PRAG1: variants seen among roughly 807,000 people sequenced by gnomAD.
PRAG1 encodes PEAK1 related, kinase-activating pseudokinase 1.
In PRAG1, 110 loss-of-function variants were observed where a neutral mutation model predicts 95.6. The observed-to-expected ratio is 1.15, with a 90% confidence interval of 0.99 to 1.35. The LOEUF (loss-of-function observed/expected upper bound fraction) is 1.35. Among genes scored for constraint, PRAG1 ranks in the 40% most tolerant of loss-of-function variants. PRAG1 has a pLI of 0.00. For synonymous variants in PRAG1, 1,052 were observed against 819.4 expected (o/e 1.28, Z -4.85); for missense variants, 2,554 against 1,864.7 (o/e 1.37, Z -6.81).
rs1798328231 is a variant in PRAG1 at position 8,317,957 on chromosome 8, T to G, written c.*197A>C. On this transcript the variant is annotated 3_prime_UTR_variant, in exon 6 of 6. Transcript: ENST00000615670. Reference sequence around the variant, plus strand: ...GGACTTAGTGCAGAGAGGAGACGAGTGTGGACGGGCAACAGCATCCTTAGT... The same window carrying G: ...GGACTTAGTGCAGAGAGGAGACGAGGGTGGACGGGCAACAGCATCCTTAGT... 1.3e-5 allele frequency: 5 copies of G among 378,988 alleles called. No homozygotes were observed. In the East Asian group the frequency reaches 2.2e-4, roughly 17 times the overall value. 23.5% of individuals were successfully genotyped at this position (378,988 alleles called of 1,614,324 possible). A position where few individuals can be genotyped will look rare whatever the true frequency, so the allele number is the denominator to read the frequency against.
At chr8:8,375,176 G>C (rs142285934) in intron 3 of PRAG1, among the ~76,000 whole-genome samples, 1 of 151,396 alleles carries the variant, frequency 6.6e-6, no homozygotes, top group Non-Finnish European at 1.5e-5. Context: ...GTTTCAGCAT[G>C]CTAACACAAA....
chr8:8,378,189 T>C (rs748718968), intron 2 of PRAG1, 111 bp from the exon 3 acceptor site: 77 of 1,303,958 alleles, frequency 5.9e-5, no homozygotes, highest in Non-Finnish European at 7.7e-5. Context: ...TCTTCTGTAG[T>C]GCAGTGCAGG....
intron 5 of PRAG1, 32 bp downstream of exon 5, chr8:8,327,678 A>T: frequency 2.5e-6 from 4 of 1,582,518 alleles, no homozygotes; most frequent in Non-Finnish European, 3.4e-6. Context: ...AGCCAGTGGC[A>T]CAGCAGAATG....
chr8:8,366,968 C>T (rs1430884359), intron 3 of PRAG1, among the ~76,000 whole-genome samples: 1 of 152,108 alleles, frequency 6.6e-6, no homozygotes, highest in Non-Finnish European at 1.5e-5. Flanking sequence ...CCACCGTGCC[C>T]AGCTACATCA....
At chr8:8,381,120 A>G (rs544831675) in intron 2 of PRAG1, among the ~76,000 whole-genome samples, 1 of 152,284 alleles carries the variant, frequency 6.6e-6, no homozygotes, top group East Asian at 1.9e-4. Flanking sequence ...AAAATGATCA[A>G]CTAAGAAAAT....
chr8:8,362,256 C>G (rs981082856), intron 3 of PRAG1, among the ~76,000 whole-genome samples: 3 of 152,232 alleles, frequency 2.0e-5, no homozygotes, highest in Admixed American at 2.0e-4. Context: ...AGGTAGCACC[C>G]ACCCACTCCG....
At chr8:8,385,647 G>C (rs1318010708) in intron 1 of PRAG1, among the ~76,000 whole-genome samples, 1 of 152,212 alleles carries the variant, frequency 6.6e-6, no homozygotes, top group Non-Finnish European at 1.5e-5. Flanking sequence ...TGTGCAGGGA[G>C]AGCTTACCTG....
chr8:8,332,439 C>G (rs563632134), intron 4 of PRAG1, among the ~76,000 whole-genome samples: 108 of 152,232 alleles, frequency 7.1e-4, no homozygotes, highest in Non-Finnish European at 1.4e-3. Flanking sequence ...GCTGGGATTC[C>G]AGGTGTGAGC....
intron 3 of PRAG1, among the ~76,000 whole-genome samples, chr8:8,365,292 T>C (rs1799963073): frequency 1.3e-5 from 2 of 152,320 alleles, no homozygotes; most frequent in South Asian, 4.1e-4. Context: ...ACACAGCTCC[T>C]GCATCTGCCA....
intron 3 of PRAG1, among the ~76,000 whole-genome samples, chr8:8,365,790 C>CTA (rs60657487): frequency 0.19 from 28,365 of 148,262 alleles, 2,721 homozygotes; most frequent in East Asian, 0.25. Context: ...TGGTGAAACC[C>CTA]TATATATATA....
chr8:8,374,751 G>T, intron 3 of PRAG1: 2 of 974,088 alleles, frequency 2.1e-6, no homozygotes, highest in Non-Finnish European at 2.4e-6. Flanking sequence ...ATGGTGGGCG[G>T]CCAGTGCAAT....
At chr8:8,369,817 G>T (rs533378714) in intron 3 of PRAG1, among the ~76,000 whole-genome samples, 2 of 151,048 alleles carry the variant, frequency 1.3e-5, no homozygotes, top group Non-Finnish European at 2.9e-5. Context: ...GCTTACCTTT[G>T]TGTTCCCTAA....
At chr8:8,346,446 C>T (rs376764635) in intron 3 of PRAG1, among the ~76,000 whole-genome samples, 20 of 152,316 alleles carry the variant, frequency 1.3e-4, no homozygotes, top group Middle Eastern at 3.4e-3. Context: ...GCCAGTGGCA[C>T]GGTGTCCTCA....
At chr8:8,383,912 G>C (rs1800764657) in intron 1 of PRAG1, among the ~76,000 whole-genome samples, 1 of 152,210 alleles carries the variant, frequency 6.6e-6, no homozygotes, top group African/African-American at 2.4e-5. Context: ...AAGTATTCCA[G>C]CCTTCAGGAA....
chr8:8,334,435 C>CAAA (rs11373012), intron 4 of PRAG1, among the ~76,000 whole-genome samples: 1 of 136,788 alleles, frequency 7.3e-6, no homozygotes, highest in Non-Finnish European at 1.6e-5. Flanking sequence ...GACTCCATCT[C>CAAA]AAAAAAAAAA....
rs776520413 is a variant in PRAG1 at position 8,376,938 on chromosome 8, T to G, written c.1471A>C (p.Ser491Arg). Residue 491 changes from serine (S) to arginine (R), a missense_variant, in exon 3 of 6, where the codon AGC (serine) becomes CGC (arginine). By Grantham distance (110) the Ser-to-Arg change is moderately radical. Transcript: ENST00000615670. ...PEEDHRTIYL[S>R]SPDSAVGVQW... ...ACCCCCACTGCAGAGTCAGGGCTGC[T>G]CAGGTAGATCGTCCGATGGTCCTCT... The G allele has an allele frequency of 1.2e-6, 2 of 1,613,412 alleles. No individual in the cohort carries two copies. Among genetic ancestry groups the G allele is most frequent in the South Asian group, 2.2e-5 (2 of 91,090 alleles).
chr8:8,333,424 G>A (rs918069453), intron 4 of PRAG1, among the ~76,000 whole-genome samples: 1 of 152,156 alleles, frequency 6.6e-6, no homozygotes, highest in African/African-American at 2.4e-5. Context: ...ATGCTGCACT[G>A]GATGGGATCT....
At chr8:8,378,461 C>T (rs1357299178) in intron 2 of PRAG1, among the ~76,000 whole-genome samples, 2 of 152,180 alleles carry the variant, frequency 1.3e-5, no homozygotes, top group Non-Finnish European at 2.9e-5. Context: ...GAAAATGGAG[C>T]TTGGGGTTTT....
In PRAG1 at chr8:8,327,989, G is replaced by T; in HGVS notation, c.2793C>A (p.Thr931=). 6.3e-7 allele frequency: 1 copy of T among 1,596,162 alleles called. No individual in the cohort carries two copies. Among genetic ancestry groups the T allele is most frequent in the Non-Finnish European group, 8.5e-7 (1 of 1,169,960 alleles). The part of the protein sequence containing the change: ...SQLSVSSQAS[T]GSTQLQLHGL... ...CGTGCAGCTGAAGCTGGGTGCTCCC[G>T]GTGGAGGCTTGACTGGACACGCTCA... The change falls in exon 5 of 6, where the codon ACC becomes ACA. Residue 931 remains threonine (T), a synonymous_variant. Coordinates refer to ENST00000615670, the MANE Select transcript of PRAG1 (RefSeq NM_001080826.3).
Sources: allele counts gnomAD v4.1 joint callset (sites outside exome capture counted in the v4.1 genomes callset), GRCh38; gene constraint gnomAD v4.1.1; transcripts MANE v1.5; gene names NCBI Gene and HGNC (gene_info 2026-07-23, HGNC 2026-07-21).